The following PCDHGA1 variants were observed in gnomAD, a reference collection of about 807,000 sequenced individuals.
PCDHGA1 encodes protocadherin gamma-A1.
Under a neutral mutation model 58.0 loss-of-function variants are expected in PCDHGA1, and 32 were observed. That is an observed-to-expected ratio of 0.55 (90% confidence interval 0.42 to 0.74). PCDHGA1 has a LOEUF of 0.74. Ranked by LOEUF, PCDHGA1 falls within the 30% of genes least tolerant of loss-of-function variation. The pLI, the probability that PCDHGA1 is intolerant of heterozygous loss-of-function variation, is 0.00. For synonymous variants in PCDHGA1, 498 were observed against 501.1 expected (o/e 0.99, Z 0.08); for missense variants, 1,205 against 1,182.3 (o/e 1.02, Z -0.28).
chr5:141,427,361 A>ACC (rs781206288), intron 1 of PCDHGA1: 1 of 457,772 alleles, frequency 2.2e-6, no homozygotes, highest in South Asian at 1.5e-5. Context: ...AGGACGCAGA[A>ACC]CCCTGGACGG....
At chr5:141,368,029 A>G (rs751685709) in intron 1 of PCDHGA1, among the ~76,000 whole-genome samples, 3 of 152,216 alleles carry the variant, frequency 2.0e-5, no homozygotes, top group Non-Finnish European at 4.4e-5. Context: ...CTCAAATTCC[A>G]GGAGGATGTG....
rs747159210 is a variant in PCDHGA1, at chr5:141,511,184, A to C, written c.*11A>C. 1.2e-5 allele frequency: 19 copies of C among 1,613,876 alleles called. No homozygotes were observed. In the Admixed American group the frequency reaches 3.2e-4, roughly 27 times the overall value. ...AAGGAGAAGAAGTAACATGGAGGCC[A>C]GGCCAAGAGCCACAGGGCGGCCTCT... is the stretch of plus-strand genomic sequence containing the variant. On this transcript the variant is annotated 3_prime_UTR_variant, in exon 4 of 4. Transcript: ENST00000517417.
chr5:141,362,662 T>G, intron 1 of PCDHGA1: 39 of 1,290,572 alleles, frequency 3.0e-5, no homozygotes, highest in Non-Finnish European at 3.8e-5. Context: ...ATTTGGCCAA[T>G]GTTGTGCCTT....
At chr5:141,415,467 C>T (rs754252558) in intron 1 of PCDHGA1, 2 of 1,614,080 alleles carry the variant, frequency 1.2e-6, no homozygotes, top group African/African-American at 1.3e-5. Context: ...TCTCTCTCAC[C>T]GCGGACTCGC....
chr5:141,385,081 T>G, intron 1 of PCDHGA1: 1 of 1,614,164 alleles, frequency 6.2e-7, no homozygotes, highest in Non-Finnish European at 8.5e-7. Flanking sequence ...GCTGCAGGCT[T>G]CAGAAGGTGG....
chr5:141,480,453 A>G (rs1033797238), intron 1 of PCDHGA1, among the ~76,000 whole-genome samples: 1 of 152,182 alleles, frequency 6.6e-6, no homozygotes, highest in African/African-American at 2.4e-5. Context: ...AATTATTTTT[A>G]TTAGTTCCTC....
rs771867567 is a variant in PCDHGA1 at position 141,419,867 on chromosome 5, G to A, written c.2422-74940G>A. 3.1e-6 allele frequency: 5 copies of A among 1,614,086 alleles called. No homozygotes were observed. In the South Asian group the frequency reaches 5.5e-5, roughly 18 times the overall value. On this transcript the variant is annotated intron_variant, in intron 1 of 3. Transcript: ENST00000517417. Reference sequence around the variant, plus strand: ...CCTGGTGTTCGCAGATAGCTTGCAAGAGGTACTGCCGGATTTCAGCGACCA... The same window carrying A: ...CCTGGTGTTCGCAGATAGCTTGCAAAAGGTACTGCCGGATTTCAGCGACCA...
At position 141,477,811 on chromosome 5, in the gene PCDHGA1, C is replaced by T. The variant is rs1211574518; in HGVS notation, c.2422-16996C>T. The T allele has an allele frequency of 6.2e-7, 1 of 1,614,164 alleles. No homozygotes were observed. The highest frequency in any genetic ancestry group is 8.5e-7 in the Non-Finnish European group (1 of 1,180,026). ...TCACTGATCGCAATGACAATGCCCC[C>T]CAGGTCCTATATCCTCGGCCAGGTG... is the stretch of plus-strand genomic sequence containing the variant. On this transcript the variant is annotated intron_variant, in intron 1 of 3. Transcript: ENST00000517417. The surrounding 1 kb of genome is among the most constrained non-coding windows in gnomAD (Gnocchi z 4.9).
Position 141,491,757 on chromosome 5 carries a change from C to G in PCDHGA1, c.2422-3050C>G. ...CTGGGGGCGGCACTGGAGAAGCCGC[C>G]CGTCCTCATAAGGGATTGAACTTGC... On this transcript the variant is annotated intron_variant, in intron 1 of 3. Coordinates refer to ENST00000517417, the MANE Select transcript of PCDHGA1 (RefSeq NM_018912.3). This position sits in a 1 kb window ranked among gnomAD's most constrained non-coding sequence, Gnocchi z 6.9. 1 of 1,580,374 alleles carries G rather than the reference C, an allele frequency of 6.3e-7. No individual in the cohort carries two copies. The highest frequency in any genetic ancestry group is 1.9e-5 in the Admixed American group (1 of 53,534).
At chr5:141,462,122 C>A (rs1437400069) in intron 1 of PCDHGA1, among the ~76,000 whole-genome samples, 3 of 152,044 alleles carry the variant, frequency 2.0e-5, no homozygotes, top group Admixed American at 6.6e-5. Context: ...TGCACCCAGT[C>A]CAATTTTTTG....
chr5:141,333,207 G>C (rs766950160), intron 1 of PCDHGA1, 102 bp downstream of exon 1: 6 of 1,527,656 alleles, frequency 3.9e-6, no homozygotes, highest in Non-Finnish European at 5.3e-6. Flanking sequence ...TCTAACCCAT[G>C]TATCTTTGTA....
intron 1 of PCDHGA1, among the ~76,000 whole-genome samples, chr5:141,474,227 G>A (rs1394834744): frequency 6.6e-6 from 1 of 152,190 alleles, no homozygotes; most frequent in Non-Finnish European, 1.5e-5. Flanking sequence ...TGTGAATTAA[G>A]TGATGCTGAA....
chr5:141,485,454 C>T lies in PCDHGA1; in HGVS notation c.2422-9353C>T. On this transcript the variant is annotated intron_variant, in intron 1 of 3. Transcript: ENST00000517417. This position sits in a 1 kb window ranked among gnomAD's most constrained non-coding sequence, Gnocchi z 5.7. Reference sequence around the variant, plus strand: ...ATCAAGAACCCAATCGACCGAGAGGCACTGTGTGGGCTCAGTGCCAGCTGC... The same window carrying T: ...ATCAAGAACCCAATCGACCGAGAGGTACTGTGTGGGCTCAGTGCCAGCTGC... The T allele has an allele frequency of 6.2e-7, 1 of 1,614,162 alleles. No homozygotes were observed. Among genetic ancestry groups the T allele is most frequent in the East Asian group, 2.2e-5 (1 of 44,868 alleles).
At chr5:141,510,519 C>A (rs182721864) in intron 3 of PCDHGA1, among the ~76,000 whole-genome samples, 1 of 152,260 alleles carries the variant, frequency 6.6e-6, no homozygotes, top group East Asian at 1.9e-4. Context: ...CGTGTCACAG[C>A]CCTGAGAGAA....
intron 1 of PCDHGA1, chr5:141,427,790 C>G: frequency 6.7e-7 from 1 of 1,482,224 alleles, no homozygotes; most frequent in South Asian, 1.1e-5. Flanking sequence ...TGTCGTCCTA[C>G]GTGTCCGTGA....
chr5:141,489,470 T>C lies in PCDHGA1; in HGVS notation c.2422-5337T>C, dbSNP rs1030378524. 1 of 1,613,874 alleles carries C rather than the reference T, an allele frequency of 6.2e-7. No homozygotes were observed. The highest frequency in any genetic ancestry group is 8.5e-7 in the Non-Finnish European group (1 of 1,179,838). ...GAGGAGAATGGGCGCTATTTTTCCCTGAGCTTGATGAGTGGTGCCCTGGCA... is the reference window on the plus strand; with the variant it reads ...GAGGAGAATGGGCGCTATTTTTCCCCGAGCTTGATGAGTGGTGCCCTGGCA... On this transcript the variant is annotated intron_variant, in intron 1 of 3. Transcript: ENST00000517417. This position sits in a 1 kb window ranked among gnomAD's most constrained non-coding sequence, Gnocchi z 4.5.
intron 1 of PCDHGA1, chr5:141,423,913 C>T: frequency 7.9e-7 from 1 of 1,269,552 alleles, no homozygotes; most frequent in Non-Finnish European, 1.0e-6. Context: ...AGGGGCCATT[C>T]AACTATGCTG....
At position 141,490,487 on chromosome 5, in the gene PCDHGA1, C is replaced by T. The variant is rs1398601464; in HGVS notation, c.2422-4320C>T. Reference sequence around the variant, plus strand: ...ACCAGCCAGCCTTTGGACCGGGAGGCCACATCCCACTATATCATCGAGCTG... The same window carrying T: ...ACCAGCCAGCCTTTGGACCGGGAGGTCACATCCCACTATATCATCGAGCTG... On this transcript the variant is annotated intron_variant, in intron 1 of 3. Coordinates refer to ENST00000517417, the MANE Select transcript of PCDHGA1 (RefSeq NM_018912.3). This position sits in a 1 kb window ranked among gnomAD's most constrained non-coding sequence, Gnocchi z 5.4. 4 of 1,614,000 alleles carry T rather than the reference C, an allele frequency of 2.5e-6. No homozygotes were observed. The highest frequency in any genetic ancestry group is 1.7e-5 in the Admixed American group (1 of 59,996).
intron 1 of PCDHGA1, chr5:141,360,351 G>T: frequency 6.2e-7 from 1 of 1,613,876 alleles, no homozygotes; most frequent in Non-Finnish European, 8.5e-7. Context: ...GCGCGGAGAA[G>T]GAATATTTCA....
Sources: gnomAD v4.1 joint callset for allele counts (sites outside exome capture counted in the v4.1 genomes callset) on GRCh38, gnomAD v4.1.1 for gene constraint, Gnocchi (gnomAD v3.1) non-coding constraint, MANE v1.5 for transcripts, NCBI Gene and HGNC (gene_info 2026-07-23, HGNC 2026-07-21) for gene names.